The following PCDH15 variants were observed in gnomAD, a reference collection of about 807,000 sequenced individuals.
The protein encoded by PCDH15 is protocadherin-15.
In PCDH15, 129 loss-of-function variants were observed where a neutral mutation model predicts 178.5. The ratio of observed to expected loss-of-function variants is 0.72; its 90% CI spans 0.63 to 0.84. PCDH15 has a LOEUF of 0.84. Ranked by LOEUF, PCDH15 falls within the 40% of genes least tolerant of loss-of-function variation. PCDH15 has a pLI of 0.00. For synonymous variants in PCDH15, 800 were observed against 732.0 expected (o/e 1.09, Z -1.50); for missense variants, 2,230 against 2,099.9 (o/e 1.06, Z -1.21).
intron 2 of PCDH15, among the ~76,000 whole-genome samples, chr10:55,096,730 C>A (rs1842457401): frequency 6.6e-6 from 1 of 152,046 alleles, no homozygotes; most frequent in Admixed American, 6.6e-5. Flanking sequence ...TGAGATAATG[C>A]AGTATTTGTC....
chr10:54,608,535 C>A (rs1644071298), intron 2 of PCDH15, among the ~76,000 whole-genome samples: 1 of 152,068 alleles, frequency 6.6e-6, no homozygotes, highest in South Asian at 2.1e-4. Flanking sequence ...AGATTGAACC[C>A]AGGATATCTA....
intron 2 of PCDH15, among the ~76,000 whole-genome samples, chr10:54,636,907 G>C (rs1457568474): frequency 6.6e-6 from 1 of 151,828 alleles, no homozygotes; most frequent in African/African-American, 2.4e-5. Context: ...GTCATATCAA[G>C]GCAAACTATA....
At chr10:55,479,397 A>T (rs934353466) in intron 2 of PCDH15, among the ~76,000 whole-genome samples, 3 of 151,810 alleles carry the variant, frequency 2.0e-5, no homozygotes, top group African/African-American at 7.2e-5. Context: ...AAACCATATG[A>T]TTATCTCAAT....
intron 16 of PCDH15, among the ~76,000 whole-genome samples, chr10:54,083,439 G>A (rs556717398): frequency 1.6e-4 from 24 of 152,264 alleles, no homozygotes; most frequent in African/African-American, 5.3e-4. Context: ...GGAATATTAC[G>A]TAGCCATGAA....
At chr10:55,599,171 A>G (rs963541014) in intron 2 of PCDH15, 2 of 152,164 alleles carry the variant, frequency 1.3e-5, no homozygotes, top group Non-Finnish European at 2.9e-5. Flanking sequence ...GCTCTAGCCA[A>G]GTCCCCCAAA....
intron 26 of PCDH15, among the ~76,000 whole-genome samples, chr10:53,890,381 G>A (rs10825153): frequency 0.52 from 79,719 of 152,000 alleles, 22,545 homozygotes; most frequent in Middle Eastern, 0.69. Context: ...AGCTGAGATG[G>A]TGCCACTGCA....
At chr10:54,071,178 G>T (rs927060815) in intron 17 of PCDH15, among the ~76,000 whole-genome samples, 1 of 151,978 alleles carries the variant, frequency 6.6e-6, no homozygotes, top group Non-Finnish European at 1.5e-5. Context: ...AATGCGCCTT[G>T]TATTATACAG....
intron 28 of PCDH15, among the ~76,000 whole-genome samples, chr10:53,842,933 A>C (rs573258500): frequency 6.6e-6 from 1 of 152,180 alleles, no homozygotes; most frequent in Non-Finnish European, 1.5e-5. Context: ...AATCCTTCAT[A>C]TAAGCATAGA....
chr10:55,218,950 T>A (rs1840790055), intron 1 of PCDH15, among the ~76,000 whole-genome samples: 1 of 152,070 alleles, frequency 6.6e-6, no homozygotes, highest in South Asian at 2.1e-4. Flanking sequence ...TTTGTTGATT[T>A]CTCCATTTAT....
intron 1 of PCDH15, among the ~76,000 whole-genome samples, chr10:54,795,187 T>C (rs986539536): frequency 6.6e-6 from 1 of 151,806 alleles, no homozygotes; most frequent in African/African-American, 2.4e-5. Context: ...AACTTAATGG[T>C]CCACTTTTCC....
chr10:53,917,187 A>G (rs2083597594), intron 25 of PCDH15, among the ~76,000 whole-genome samples: 1 of 152,190 alleles, frequency 6.6e-6, no homozygotes, highest in Non-Finnish European at 1.5e-5. Flanking sequence ...ACAAATTTAT[A>G]GAAAATTTAT....
Position 55,459,658 on chromosome 10 carries a change from A to C in PCDH15, c.-156+167967T>G, listed in dbSNP as rs1839630557. On this transcript the variant is annotated intron_variant, in intron 2 of 5. Coordinates refer to the PCDH15 transcript ENST00000613346. ...TAATTGGTAGTGGTTACAGGGTAAG[A>C]GAAAAGGTGGAGAATCAAAAAGATA... 3.9e-5 allele frequency among the ~76,000 whole-genome samples: 6 copies of C among 152,206 alleles called. No homozygotes were observed. In the South Asian group the frequency reaches 1.2e-3, roughly 32 times the overall value.
intron 2 of PCDH15, among the ~76,000 whole-genome samples, chr10:54,623,597 T>C (rs987470878): frequency 1.3e-3 from 195 of 152,264 alleles, no homozygotes; most frequent in African/African-American, 4.6e-3. Flanking sequence ...AACTATTTCT[T>C]TGGCGAGAAA....
At chr10:54,210,006 G>A (rs1384553878) in intron 10 of PCDH15, among the ~76,000 whole-genome samples, 2 of 151,922 alleles carry the variant, frequency 1.3e-5, no homozygotes, top group African/African-American at 2.4e-5. Context: ...ACCTTGCCAG[G>A]GCATCAGGCA....
chr10:53,868,262 A>C (rs2079590612), intron 26 of PCDH15, among the ~76,000 whole-genome samples: 1 of 152,040 alleles, frequency 6.6e-6, no homozygotes, highest in African/African-American at 2.4e-5. Flanking sequence ...ATTTTTACCT[A>C]TGCTATTATT....
intron 2 of PCDH15, among the ~76,000 whole-genome samples, chr10:55,389,990 A>G (rs1045582423): frequency 5.9e-5 from 9 of 152,136 alleles, no homozygotes; most frequent in African/African-American, 2.2e-4. Context: ...AAAAATTAGG[A>G]GCAGATTACA....
At chr10:54,167,872 A>G (rs1445498950) in intron 13 of PCDH15, among the ~76,000 whole-genome samples, 2 of 78,466 alleles carry the variant, frequency 2.5e-5, no homozygotes, top group African/African-American at 1.1e-4. Context: ...TCTGTGCCCC[A>G]TCCCTTATTT....
intron 3 of PCDH15, among the ~76,000 whole-genome samples, chr10:54,492,469 C>G (rs2079690907): frequency 6.6e-6 from 1 of 152,146 alleles, no homozygotes; most frequent in African/African-American, 2.4e-5. Context: ...TATTATGTTG[C>G]TACTTCTTGT....
At position 53,959,739 on chromosome 10, in the gene PCDH15, C is replaced by G. The variant is rs866090744; in HGVS notation, c.3115G>C (p.Glu1039Gln). The G allele has an allele frequency of 6.2e-7, 1 of 1,611,086 alleles. No individual in the cohort carries two copies. Among genetic ancestry groups the G allele is most frequent in the Non-Finnish European group, 8.5e-7 (1 of 1,177,340 alleles). The change falls in exon 23 of 38, where the codon GAA (glutamate) becomes CAA (glutamine). Residue 1039 changes from glutamate (E) to glutamine (Q), a missense_variant. Physicochemically the swap from Glu to Gln is conservative, Grantham distance 29. Transcript: ENST00000644397. ...PGEIPRFTQE[E>Q]YRPPPVSELA... is the part of the protein sequence containing the mutation. ...TCGGACAGAAATCAATACCTATATTCCTCCTGTGTGAAGCGTGGGATCTCA... is the reference window on the plus strand; with the variant it reads ...TCGGACAGAAATCAATACCTATATTGCTCCTGTGTGAAGCGTGGGATCTCA...
Sources: gnomAD v4.1 joint callset for allele counts (sites outside exome capture counted in the v4.1 genomes callset) on GRCh38, gnomAD v4.1.1 for gene constraint, MANE v1.5 for transcripts, NCBI Gene and HGNC (gene_info 2026-07-23, HGNC 2026-07-21) for gene names.